NDUFAF7: variants seen among roughly 807,000 people sequenced by gnomAD.
NDUFAF7 encodes protein arginine methyltransferase NDUFAF7, mitochondrial.
In NDUFAF7, 48 loss-of-function variants were observed where a neutral mutation model predicts 47.2. That is an observed-to-expected ratio of 1.02 (90% CI 0.81 to 1.29). NDUFAF7 has a LOEUF of 1.29. NDUFAF7 is among the 50% of genes most tolerant of loss of function. NDUFAF7 has a pLI of 0.00. For missense variants in NDUFAF7, 635 were observed against 537.6 expected (o/e 1.18, Z -1.79); for synonymous variants, 217 against 190.0 (o/e 1.14, Z -1.17).
intron 4 of NDUFAF7, among the ~76,000 whole-genome samples, 161 bp from the exon 5 acceptor site, chr2:37,241,417 G>A (rs1666317035): frequency 6.6e-6 from 1 of 152,064 alleles, no homozygotes; most frequent in South Asian, 2.1e-4. Flanking sequence ...TAACTAGTAG[G>A]TTAGGATTCT....
At chr2:37,252,407 C>T (rs555948842), downstream of NDUFAF7, 5 of 152,274 alleles carry the variant, frequency 3.3e-5, no homozygotes, top group East Asian at 9.6e-4. Context: ...CAAAGACATA[C>T]AACTCAGCAC....
downstream of NDUFAF7, among the ~76,000 whole-genome samples, chr2:37,257,910 G>C (rs947822335): frequency 3.3e-5 from 5 of 152,058 alleles, no homozygotes; most frequent in Middle Eastern, 3.2e-3. Context: ...GTTTAGATTT[G>C]AAAACAGTTA....
Position 37,231,698 on chromosome 2 carries a change from A to C in NDUFAF7, c.-8A>C. On this transcript the variant is annotated 5_prime_UTR_variant, in exon 1 of 10. Transcript: ENST00000002125. ...CCTGGCGGAGCGAGCTAGCCTGCGAATTTCAGCATGAGTGTACTGCTGAGG... is the reference window on the plus strand; with the variant it reads ...CCTGGCGGAGCGAGCTAGCCTGCGACTTTCAGCATGAGTGTACTGCTGAGG... 1.2e-6 allele frequency: 2 copies of C among 1,614,156 alleles called. No homozygotes were observed. The highest frequency in any genetic ancestry group is 1.7e-6 in the Non-Finnish European group (2 of 1,180,000).
chr2:37,246,912 G>T (rs569513454), intron 8 of NDUFAF7, among the ~76,000 whole-genome samples: 2 of 151,982 alleles, frequency 1.3e-5, no homozygotes, highest in Admixed American at 6.6e-5. Flanking sequence ...TTAGATTTAG[G>T]GGGTACATGA....
At chr2:37,266,417 C>A in the NDUFAF7 span, among the ~76,000 whole-genome samples, 1 of 151,936 alleles carries the variant, frequency 6.6e-6, no homozygotes, top group South Asian at 2.1e-4. Context: ...CCTCTGCCTC[C>A]CAGGTACAAG....
rs760656098 is a variant in NDUFAF7 at position 37,243,928 on chromosome 2, G to A, written c.747G>A (p.Arg249=). 1.2e-6 allele frequency: 2 copies of A among 1,613,938 alleles called. No individual in the cohort carries two copies. The highest frequency in any genetic ancestry group is 1.3e-5 in the African/African-American group (1 of 74,930). ...ATCCACAGGTTTCTGATAAACTGAG[G>A]TTTGTTTTGGCACCTTCTGCCACCC... The part of the protein sequence containing the change: ...DIDPQVSDKL[R]FVLAPSATPA... The change falls in exon 7 of 10, where the codon AGG becomes AGA. Residue 249 remains arginine (R), a synonymous_variant. Transcript: ENST00000002125.
downstream of NDUFAF7, among the ~76,000 whole-genome samples, chr2:37,249,748 T>A (rs1667327767): frequency 6.6e-6 from 1 of 151,982 alleles, no homozygotes; most frequent in South Asian, 2.1e-4. Flanking sequence ...TTTTTGGTTG[T>A]TAGAAGCTGT....
chr2:37,236,441 T>A (rs1572534218), intron 3 of NDUFAF7, among the ~76,000 whole-genome samples: 1 of 150,154 alleles, frequency 6.7e-6, no homozygotes, highest in Non-Finnish European at 1.5e-5. Context: ...AAGGAGGGGG[T>A]CATAAAGAGG....
At position 37,246,208 on chromosome 2, in the gene NDUFAF7, C is replaced by T. The variant is rs1666885095; in HGVS notation, c.936+13C>T. 6.2e-7 allele frequency: 1 copy of T among 1,613,340 alleles called. No homozygotes were observed. The highest frequency in any genetic ancestry group is 2.2e-5 in the East Asian group (1 of 44,860). On this transcript the variant is annotated intron_variant, in intron 8 of 9. Coordinates refer to ENST00000002125, the MANE Select transcript of NDUFAF7 (RefSeq NM_144736.5). Reference sequence around the variant, plus strand: ...AGATACCTTCAGAGTATGTATAATTCAGTAACATGATTTATCAGAATTTCA... The same window carrying T: ...AGATACCTTCAGAGTATGTATAATTTAGTAACATGATTTATCAGAATTTCA...
At chr2:37,245,034 G>T (rs1033714466) in intron 7 of NDUFAF7, among the ~76,000 whole-genome samples, 6 of 152,210 alleles carry the variant, frequency 3.9e-5, no homozygotes, top group Non-Finnish European at 8.8e-5. Flanking sequence ...ACTGATGCCT[G>T]ATGAGGCTGA....
chr2:37,246,676 C>G (rs754462584), intron 8 of NDUFAF7, among the ~76,000 whole-genome samples: 1 of 152,078 alleles, frequency 6.6e-6, no homozygotes, highest in Non-Finnish European at 1.5e-5. Context: ...TGAATATAAT[C>G]AATTCTATTC....
the NDUFAF7 span, among the ~76,000 whole-genome samples, chr2:37,270,040 C>G: frequency 6.6e-6 from 1 of 152,076 alleles, no homozygotes; most frequent in Admixed American, 6.5e-5. Flanking sequence ...CCAGCCTGAC[C>G]AACAAGGAGA....
chr2:37,256,811 C>T (rs997100280), downstream of NDUFAF7: 3 of 1,613,892 alleles, frequency 1.9e-6, no homozygotes, highest in Non-Finnish European at 2.5e-6. Flanking sequence ...ATCTAGGGAA[C>T]GGTTGTAACC....
chr2:37,267,369 C>A, the NDUFAF7 span: 9 of 1,085,140 alleles, frequency 8.3e-6, no homozygotes, highest in African/African-American at 1.6e-5. Flanking sequence ...AAAAGAGAAG[C>A]AGTTAATTCA....
At chr2:37,268,035 T>TA in the NDUFAF7 span, 4,461 of 192,852 alleles carry the variant, frequency 0.023, 78 homozygotes, top group Middle Eastern at 0.033. Flanking sequence ...AGAAGTTTAT[T>TA]ATAATGAACA....
chr2:37,261,878 TA>T, the NDUFAF7 span, among the ~76,000 whole-genome samples: 83 of 152,226 alleles, frequency 5.5e-4, no homozygotes, highest in Non-Finnish European at 9.0e-4. Flanking sequence ...ATTCATTCAG[TA>T]AAAAACGTAT....
In NDUFAF7 at chr2:37,242,758, T is replaced by C. The variant is rs905938346; in HGVS notation, c.681+65T>C. The C allele has an allele frequency of 4.8e-6, 6 of 1,246,214 alleles. No homozygotes were observed. In the African/African-American group the frequency reaches 6.0e-5, roughly 12 times the overall value. 77.2% of individuals were successfully genotyped at this position (1,246,214 alleles called of 1,614,324 possible). ...CAAAAGGCATTGTGTTGCCAATGTT[T>C]ATGGTATTTATTCAGTATACAAATT... On this transcript the variant is annotated intron_variant, in intron 6 of 9. Coordinates refer to ENST00000002125, the MANE Select transcript of NDUFAF7 (RefSeq NM_144736.5).
chr2:37,262,514 C>T, the NDUFAF7 span, among the ~76,000 whole-genome samples: 3 of 152,138 alleles, frequency 2.0e-5, no homozygotes, highest in Non-Finnish European at 2.9e-5. Flanking sequence ...CAGCAAAATA[C>T]AAAATGACAA....
rs1667071066 is a variant in NDUFAF7, at chr2:37,247,635, G to A, written c.1110+6G>A. The A allele has an allele frequency of 3.1e-6, 5 of 1,613,506 alleles. No individual in the cohort carries two copies. The highest frequency in any genetic ancestry group is 4.2e-6 in the Non-Finnish European group (5 of 1,179,694). ...GTATTGATGTCCGGCTGAAGGTAAG[G>A]TTTATTTTATTTCACTGTTATTAAG... is the stretch of plus-strand genomic sequence containing the variant. On this transcript the variant is annotated splice_donor_region_variant and intron_variant, in intron 9 of 9. Coordinates refer to ENST00000002125, the MANE Select transcript of NDUFAF7 (RefSeq NM_144736.5).
Sources: gnomAD v4.1 joint callset for allele counts (sites outside exome capture counted in the v4.1 genomes callset) on GRCh38, gnomAD v4.1.1 for gene constraint, MANE v1.5 for transcripts, NCBI Gene and HGNC (gene_info 2026-07-23, HGNC 2026-07-21) for gene names.